Variants in PNKD observed in about 807,000 individuals in gnomAD.
PNKD encodes the protein PNKD metallo-beta-lactamase domain containing, also known as probable thioesterase PNKD.
PNKD carries 36 observed loss-of-function variants against 45.3 expected under a neutral mutation model. The observed-to-expected ratio is 0.80, with a 90% CI of 0.61 to 1.05. PNKD has a LOEUF of 1.05. Ranked by LOEUF, PNKD falls within the 50% of genes least tolerant of loss-of-function variation. The pLI, the probability that PNKD is intolerant of heterozygous loss-of-function variation, is 0.00. For missense variants in PNKD, 511 were observed against 506.6 expected (o/e 1.01, Z -0.08); for synonymous variants, 197 against 210.1 (o/e 0.94, Z 0.54).
At chr2:218,277,560 G>A in intron 2 of PNKD, 3 of 1,609,710 alleles carry the variant, frequency 1.9e-6, no homozygotes, top group Non-Finnish European at 2.6e-6. Flanking sequence ...CACGCAGCTG[G>A]CTGCCGGCCC....
intron 1 of PNKD, 133 bp from the exon 2 acceptor site, chr2:218,271,248 C>T: frequency 2.4e-6 from 2 of 832,438 alleles, no homozygotes; most frequent in South Asian, 2.7e-5. Context: ...CTCCTTGGCA[C>T]TTCTTACTTC....
chr2:218,310,973 T>A (rs1693598440), intron 2 of PNKD, among the ~76,000 whole-genome samples: 1 of 152,214 alleles, frequency 6.6e-6, no homozygotes, highest in Admixed American at 6.5e-5. Flanking sequence ...TACAGTAACA[T>A]GCCGTGCAGG....
chr2:218,341,959 C>G (rs1694689992), intron 6 of PNKD, 22 bp from the exon 7 acceptor site: 2 of 1,594,448 alleles, frequency 1.3e-6, no homozygotes, highest in Non-Finnish European at 1.7e-6. Flanking sequence ...TACCTTCTGT[C>G]CCCTGCTCCC....
intron 2 of PNKD, among the ~76,000 whole-genome samples, chr2:218,336,953 C>T (rs1440128180): frequency 2.0e-5 from 3 of 151,870 alleles, no homozygotes; most frequent in Admixed American, 2.0e-4. Context: ...GCGCCCACCA[C>T]CACACCCTGT....
chr2:218,278,166 C>A lies in PNKD; in HGVS notation c.236+6617C>A, dbSNP rs111775432. ...GACAACATGGGCCAATGAGACAGAC[C>A]TGTGTTGTGGCGCCAGAAACACCTG... On this transcript the variant is annotated intron_variant, in intron 2 of 9. Transcript: ENST00000273077. 519 of 641,014 alleles carry A rather than the reference C, an allele frequency of 8.1e-4. 6 individuals are homozygous for A. The African/African-American group carries it at 8.1e-3, about 10-fold the overall frequency. 39.7% of individuals were successfully genotyped at this position (641,014 alleles called of 1,614,324 possible).
At chr2:218,310,626 CT>C (rs1185000961) in intron 2 of PNKD, among the ~76,000 whole-genome samples, 1 of 149,728 alleles carries the variant, frequency 6.7e-6, no homozygotes, top group Non-Finnish European at 1.5e-5. Context: ...GAGTCTCCCC[CT>C]GTCACCCGGG....
At position 218,326,765 on chromosome 2, in the gene PNKD, A is replaced by G. The variant is rs1694165141; in HGVS notation, c.237-13018A>G. ...CCAGCAGGAAACTCCACATCCCTTC[A>G]TTCAGCCAGGGAACACCTAGCTGCC... On this transcript the variant is annotated intron_variant, in intron 2 of 9. Coordinates refer to ENST00000273077, the MANE Select transcript of PNKD (RefSeq NM_015488.5). This position sits in a 1 kb window ranked among gnomAD's most constrained non-coding sequence, Gnocchi z 4.1. 6.6e-6 allele frequency: 1 copy of G among 152,204 alleles called. No individual in the cohort carries two copies. The highest frequency in any genetic ancestry group is 1.5e-5 in the Non-Finnish European group (1 of 68,078). 9.4% of individuals were successfully genotyped at this position (152,204 alleles called of 1,614,324 possible).
intron 2 of PNKD, chr2:218,277,762 G>T: frequency 6.3e-7 from 1 of 1,577,632 alleles, no homozygotes. Flanking sequence ...TGCCAGAGCT[G>T]GGGAACGCCA....
At chr2:218,328,814 C>T (rs1379286754) in intron 2 of PNKD, among the ~76,000 whole-genome samples, 2 of 152,240 alleles carry the variant, frequency 1.3e-5, no homozygotes, top group African/African-American at 2.4e-5. Flanking sequence ...TCCAGACCGC[C>T]CCCAGCACTG....
At chr2:218,318,950 C>CT (rs769001811) in intron 2 of PNKD, among the ~76,000 whole-genome samples, 55 of 99,910 alleles carry the variant, frequency 5.5e-4, no homozygotes, top group South Asian at 2.0e-3. Flanking sequence ...TTTTTTTTTT[C>CT]TTTTTTTTTT....
intron 2 of PNKD, chr2:218,277,354 C>T: frequency 1.2e-6 from 2 of 1,612,358 alleles, no homozygotes; most frequent in East Asian, 2.2e-5. Flanking sequence ...GAAGGGCCCT[C>T]CATGCCCTCA....
rs1691483472 is a variant in PNKD at position 218,278,408 on chromosome 2, TG to T, written c.236+6860del. ...CATCGTCATCCTCCTCCTCATTTCT[TG>T]TAAGTTTCCATTCAGCTGCTATAAA... On this transcript the variant is annotated intron_variant, in intron 2 of 9. Coordinates refer to ENST00000273077, the MANE Select transcript of PNKD (RefSeq NM_015488.5). 4.4e-5 allele frequency: 52 copies of T among 1,176,190 alleles called. 1 individual carries two copies. In the South Asian group the frequency reaches 6.3e-4, roughly 14 times the overall value. The allele number at this position is 1,176,190 out of a possible 1,614,324, so 72.9% of individuals were successfully genotyped here.
chr2:218,304,477 C>T (rs919895343), intron 2 of PNKD, among the ~76,000 whole-genome samples: 40 of 152,152 alleles, frequency 2.6e-4, no homozygotes, highest in African/African-American at 9.2e-4. Flanking sequence ...CCCTTCCTGA[C>T]CCTTCAGGCC....
At chr2:218,319,987 T>A (rs1431145461) in intron 2 of PNKD, among the ~76,000 whole-genome samples, 1 of 152,186 alleles carries the variant, frequency 6.6e-6, no homozygotes, top group Non-Finnish European at 1.5e-5. Context: ...GCAAAGGCCC[T>A]GAGGTGGGAA....
At chr2:218,297,668 GAAAA>G (rs1693173861) in intron 2 of PNKD, among the ~76,000 whole-genome samples, 1 of 43,044 alleles carries the variant, frequency 2.3e-5, no homozygotes. Context: ...CTGGGCAACA[GAAAA>G]AGACTCCGTC....
chr2:218,323,025 G>T, intron 2 of PNKD: 1 of 429,534 alleles, frequency 2.3e-6, no homozygotes, highest in Non-Finnish European at 3.7e-6. Flanking sequence ...GGCCCGCTGT[G>T]GCCCCGCCTC....
chr2:218,341,856 G>A (rs1694686701), intron 6 of PNKD, 125 bp from the exon 7 acceptor site: 2 of 856,450 alleles, frequency 2.3e-6, no homozygotes, highest in Non-Finnish European at 3.9e-6. Context: ...AGGCACTGGG[G>A]TGACTTCTTT....
intron 2 of PNKD, chr2:218,280,043 G>A (rs751064746): frequency 1.9e-5 from 30 of 1,613,934 alleles, no homozygotes; most frequent in Non-Finnish European, 2.5e-5. Context: ...ATAAAAGTGT[G>A]TCGCACTTTC....
intron 7 of PNKD, 69 bp downstream of exon 7, chr2:218,342,213 C>T: frequency 7.7e-7 from 1 of 1,302,814 alleles, no homozygotes; most frequent in Non-Finnish European, 1.1e-6. Context: ...AGCCACAGTC[C>T]CATGGAGAGC....
Sources: gnomAD v4.1 joint callset for allele counts (sites outside exome capture counted in the v4.1 genomes callset) on GRCh38, gnomAD v4.1.1 for gene constraint, Gnocchi (gnomAD v3.1) non-coding constraint, MANE v1.5 for transcripts, NCBI Gene and HGNC (gene_info 2026-07-23, HGNC 2026-07-21) for gene names.